ZNF701: variants seen among roughly 807,000 people sequenced by gnomAD.
ZNF701 encodes the protein zinc finger protein 701.
A neutral mutation model predicts 7.1 loss-of-function variants in ZNF701; 6 were observed. The observed-to-expected ratio is 0.84, with a 90% confidence interval of 0.46 to 1.66. The LOEUF is 1.66. Ranked by LOEUF, ZNF701 falls within the 40% of genes most tolerant of loss-of-function variation. ZNF701 has a pLI of 0.01. For missense variants in ZNF701, 541 were observed against 559.2 expected (o/e 0.97, Z 0.33); for synonymous variants, 166 against 188.2 (o/e 0.88, Z 0.97).
downstream of ZNF701, chr19:52,588,622 A>G: frequency 2.7e-6 from 1 of 376,314 alleles, no homozygotes; most frequent in Non-Finnish European, 5.1e-6. Flanking sequence ...AGGTAAAGTG[A>G]TATTCCTCGG....
chr19:52,576,096 A>C (rs1162896179), intron 3 of ZNF701, 75 bp downstream of exon 3: 1 of 1,606,824 alleles, frequency 6.2e-7, no homozygotes. Context: ...GCCTCTTGGG[A>C]GCCACATCCT....
At chr19:52,587,959 A>AG (rs1471598311), downstream of ZNF701, among the ~76,000 whole-genome samples, 1 of 152,124 alleles carries the variant, frequency 6.6e-6, no homozygotes, top group African/African-American at 2.4e-5. Context: ...GGGTTTGGTT[A>AG]GGGCCAGATC....
chr19:52,599,276 C>A, the ZNF701 span, among the ~76,000 whole-genome samples: 14 of 151,888 alleles, frequency 9.2e-5, no homozygotes, highest in African/African-American at 2.4e-4. Flanking sequence ...TGGGAGCTCT[C>A]TTTGAAAGGC....
intron 2 of ZNF701, among the ~76,000 whole-genome samples, chr19:52,575,510 T>A (rs2059928775): frequency 6.6e-6 from 1 of 152,024 alleles, no homozygotes. Context: ...ATGTATTTTA[T>A]TTTATTTTGA....
chr19:52,588,994 G>T (rs887923689), downstream of ZNF701, among the ~76,000 whole-genome samples: 4 of 152,288 alleles, frequency 2.6e-5, no homozygotes, highest in African/African-American at 7.2e-5. Context: ...CTCCTTGACG[G>T]TTTTTCACTG....
chr19:52,590,269 C>G (rs1404109707), downstream of ZNF701, among the ~76,000 whole-genome samples: 1 of 150,338 alleles, frequency 6.7e-6, no homozygotes, highest in Non-Finnish European at 1.5e-5. Flanking sequence ...ACCAGCTAAT[C>G]TTTGTATTTT....
chr19:52,574,178 C>A lies in ZNF701; in HGVS notation c.15+16C>A. The A allele has an allele frequency of 6.2e-7, 1 of 1,607,410 alleles. No individual in the cohort carries two copies. The highest frequency in any genetic ancestry group is 8.5e-7 in the Non-Finnish European group (1 of 1,175,682). ...TCTTCTTCAGGTGAGATGATATTCT[C>A]GGGGGATTGTTCTGTCTCCTTCCTT... On this transcript the variant is annotated intron_variant, in intron 2 of 3. Coordinates refer to ENST00000391785, the MANE Select transcript of ZNF701 (RefSeq NM_018260.3).
intron 3 of ZNF701, among the ~76,000 whole-genome samples, chr19:52,577,214 C>T (rs1316026082): frequency 1.3e-5 from 2 of 152,106 alleles, no homozygotes; most frequent in East Asian, 1.9e-4. Flanking sequence ...ATTTTTGTGT[C>T]CCAGCTTCCT....
In ZNF701 at chr19:52,574,108, A is replaced by G; in HGVS notation, c.-40A>G. ...CTTCTAAAGACTTGGTACGTGAGGA[A>G]AAAACACGGAAGAGGAAGAGGAAAG... On this transcript the variant is annotated 5_prime_UTR_variant, in exon 2 of 4. Coordinates refer to ENST00000391785, the MANE Select transcript of ZNF701 (RefSeq NM_018260.3). The G allele has an allele frequency of 1.2e-6, 2 of 1,612,466 alleles. No individual in the cohort carries two copies.
the ZNF701 span, among the ~76,000 whole-genome samples, chr19:52,593,251 A>C: frequency 2.5e-5 from 3 of 118,236 alleles, 1 homozygote; most frequent in African/African-American, 9.8e-5. Flanking sequence ...CTATTCTACA[A>C]AACCGCCATT....
At chr19:52,579,087 T>C (rs770477086) in intron 3 of ZNF701, among the ~76,000 whole-genome samples, 1 of 143,064 alleles carries the variant, frequency 7.0e-6, no homozygotes, top group African/African-American at 3.0e-5. Context: ...GTGTGTTGTA[T>C]AGATAAAATA....
chr19:52,575,787 G>A (rs1303994860), intron 2 of ZNF701, 108 bp from the exon 3 acceptor site: 1 of 782,596 alleles, frequency 1.3e-6, no homozygotes. Flanking sequence ...GGATTTGTCG[G>A]AACATTCTCT....
intron 2 of ZNF701, chr19:52,575,565 A>G (rs540142614): frequency 2.3e-4 from 80 of 351,570 alleles, no homozygotes; most frequent in South Asian, 1.2e-3. Flanking sequence ...CCTTGGTGCA[A>G]TCGCAGCTCA....
chr19:52,574,033 G>A lies in ZNF701; in HGVS notation c.-71-44G>A, dbSNP rs576263460. ...TGTGTCATTGTGTTACAGGCAGGAG[G>A]TGTGTTGATTCTGAGCAGTAAACAA... On this transcript the variant is annotated intron_variant, in intron 1 of 3. Transcript: ENST00000391785. 120 of 1,580,894 alleles carry A rather than the reference G, an allele frequency of 7.6e-5. No individual in the cohort carries two copies. The African/African-American group carries it at 1.4e-3, about 19-fold the overall frequency.
chr19:52,597,158 T>G, the ZNF701 span: 4 of 633,952 alleles, frequency 6.3e-6, no homozygotes, highest in South Asian at 2.7e-5. Context: ...GAACTCATAC[T>G]GGAGAGAAAC....
chr19:52,583,549 ATG>A lies in ZNF701; in HGVS notation c.*95_*96del, dbSNP rs1174218745. On this transcript the variant is annotated 3_prime_UTR_variant, in exon 4 of 4. Transcript: ENST00000391785. ...GAGAGAAACCTTACAAATGTGAAGA[ATG>A]TGACAAAAGTTTTCAATTTCAAATC... is the stretch of plus-strand genomic sequence containing the variant. 11 of 1,585,830 alleles carry A rather than the reference ATG, an allele frequency of 6.9e-6. No homozygotes were observed. Among genetic ancestry groups the A allele is most frequent in the African/African-American group, 1.3e-5 (1 of 74,194 alleles).
chr19:52,592,071 A>T, downstream of ZNF701: 2 of 806,604 alleles, frequency 2.5e-6, no homozygotes, highest in South Asian at 3.2e-5. Flanking sequence ...CTCCTCCCTA[A>T]TGTTTTGTTG....
intron 3 of ZNF701, among the ~76,000 whole-genome samples, chr19:52,578,820 C>T (rs572520006): frequency 6.6e-5 from 10 of 152,110 alleles, no homozygotes; most frequent in East Asian, 1.9e-4. Flanking sequence ...TGCAGTGGTG[C>T]GATCTCGGCT....
At chr19:52,576,982 A>AT (rs1319300591) in intron 3 of ZNF701, among the ~76,000 whole-genome samples, 23 of 150,498 alleles carry the variant, frequency 1.5e-4, no homozygotes, top group Non-Finnish European at 2.8e-4. Context: ...CCACCTTCAA[A>AT]TAGTGTGTGG....
Sources: gnomAD v4.1 joint callset for allele counts (sites outside exome capture counted in the v4.1 genomes callset) on GRCh38, gnomAD v4.1.1 for gene constraint, MANE v1.5 for transcripts, NCBI Gene and HGNC (gene_info 2026-07-23, HGNC 2026-07-21) for gene names.